Variants in TENM4 observed in about 807,000 individuals in gnomAD.
The protein encoded by TENM4 is teneurin-4.
Under a neutral mutation model 243.3 loss-of-function variants are expected in TENM4, and 82 were observed. The observed-to-expected ratio is 0.34, with a 90% CI of 0.28 to 0.40. The LOEUF is 0.40. Ranked by LOEUF, TENM4 falls within the 10% of genes least tolerant of loss-of-function variation. The pLI is 1.00. For synonymous variants in TENM4, 1,412 were observed against 1,456.3 expected (o/e 0.97, Z 0.69); for missense variants, 3,138 against 3,673.3 (o/e 0.85, Z 3.77).
intron 6 of TENM4, among the ~76,000 whole-genome samples, chr11:79,032,503 A>G (rs1292387954): frequency 6.6e-6 from 1 of 152,184 alleles, no homozygotes; most frequent in Non-Finnish European, 1.5e-5. Flanking sequence ...CTCTGGTGAT[A>G]TAAGTTTCTA....
Position 79,184,933 on chromosome 11 carries a change from A to G in TENM4, c.-163+30875T>C, listed in dbSNP as rs565368104. ...AGTAAGACTCTCAATATCCCATACTAAGCAAATGACAGATACAGCTTATAT... is the reference window on the plus strand; with the variant it reads ...AGTAAGACTCTCAATATCCCATACTGAGCAAATGACAGATACAGCTTATAT... On this transcript the variant is annotated intron_variant, in intron 3 of 33. Transcript: ENST00000278550. 9.5e-4 allele frequency among the ~76,000 whole-genome samples: 144 copies of G among 152,356 alleles called. 1 individual carries two copies. The highest frequency in any genetic ancestry group is 3.4e-3 in the Middle Eastern group (1 of 294).
At chr11:78,873,307 G>A (rs1227225274) in intron 9 of TENM4, among the ~76,000 whole-genome samples, 1 of 152,174 alleles carries the variant, frequency 6.6e-6, no homozygotes, top group East Asian at 1.9e-4. Context: ...CAGGGACCAT[G>A]ATGATGATAA....
At chr11:79,281,157 C>T (rs968403891) in intron 2 of TENM4, among the ~76,000 whole-genome samples, 2 of 152,186 alleles carry the variant, frequency 1.3e-5, no homozygotes, top group Non-Finnish European at 2.9e-5. Context: ...CACATTCAGA[C>T]TCAAAGGCAA....
At chr11:78,903,685 C>G in intron 6 of TENM4, 162 bp from the exon 7 acceptor site, 2 of 1,189,686 alleles carry the variant, frequency 1.7e-6, no homozygotes, top group South Asian at 2.7e-5. Flanking sequence ...TTATTGAGCA[C>G]CTACCATTCT....
intron 25 of TENM4, among the ~76,000 whole-genome samples, chr11:78,716,622 G>C (rs1200262402): frequency 6.6e-6 from 1 of 152,220 alleles, no homozygotes; most frequent in Non-Finnish European, 1.5e-5. Flanking sequence ...GAATGGCCTG[G>C]AGAGATTTAA....
chr11:79,070,353 A>G (rs4945322), intron 4 of TENM4, among the ~76,000 whole-genome samples: 137,419 of 152,190 alleles, frequency 0.9, 62,459 homozygotes, highest in Middle Eastern at 0.98. Flanking sequence ...CACATCCCAC[A>G]TGGAGCAGGG....
chr11:78,721,749 C>T (rs574888172), intron 24 of TENM4, among the ~76,000 whole-genome samples: 1 of 152,346 alleles, frequency 6.6e-6, no homozygotes, highest in South Asian at 2.1e-4. Flanking sequence ...GCCTGTCCTG[C>T]TCACATGCAC....
chr11:79,109,821 A>G (rs1591289610), intron 4 of TENM4, among the ~76,000 whole-genome samples: 1 of 152,206 alleles, frequency 6.6e-6, no homozygotes, highest in Non-Finnish European at 1.5e-5. Flanking sequence ...CTCACTAGCC[A>G]TGTGACTCTG....
intron 3 of TENM4, among the ~76,000 whole-genome samples, chr11:79,169,953 C>T (rs1863002541): frequency 6.6e-6 from 1 of 152,166 alleles, no homozygotes; most frequent in Non-Finnish European, 1.5e-5. Context: ...TTAGTTTGTT[C>T]CCTATTCCAA....
rs1858348391 is a variant in TENM4, at chr11:78,672,189, C to A, written c.5637G>T (p.Arg1879Ser). The change falls in exon 31 of 34, where the codon AGG becomes AGT. Residue 1879 changes from arginine to serine, a missense_variant. Around this residue, in one of 2 missense-constraint regions of TENM4, gnomAD observed 2,467 missense variants for 3,059.1 expected, o/e 0.81. Transcript: ENST00000278550. ...AGTATGTCACGTTGACACCATTCAG[C>A]CTGCTGCTGGGTGACCAGAGGCTGG... ...GRPSLWSPSS[R>S]LNGVNVTYSP... The A allele has an allele frequency of 1.2e-6, 2 of 1,614,018 alleles. No homozygotes were observed. Among genetic ancestry groups the A allele is most frequent in the Non-Finnish European group, 8.5e-7 (1 of 1,179,884 alleles).
At chr11:78,977,221 C>A (rs1490468194) in intron 6 of TENM4, among the ~76,000 whole-genome samples, 2 of 152,202 alleles carry the variant, frequency 1.3e-5, no homozygotes, top group African/African-American at 4.8e-5. Context: ...TCTGAGAACA[C>A]CAGTCATAGT....
intron 22 of TENM4, among the ~76,000 whole-genome samples, 167 bp from the exon 23 acceptor site, chr11:78,726,389 G>A (rs1328659588): frequency 2.0e-5 from 3 of 152,194 alleles, no homozygotes; most frequent in African/African-American, 7.2e-5. Context: ...AGGTTGCTGA[G>A]CCTTAATCAT....
intron 1 of TENM4, among the ~76,000 whole-genome samples, chr11:79,361,470 G>A (rs948813947): frequency 9.9e-5 from 15 of 152,222 alleles, no homozygotes; most frequent in Admixed American, 8.5e-4. Flanking sequence ...GTTCTAATAC[G>A]TGTATCTTCT....
chr11:79,383,757 C>A (rs535091479), intron 1 of TENM4, among the ~76,000 whole-genome samples: 1 of 152,158 alleles, frequency 6.6e-6, no homozygotes, highest in Non-Finnish European at 1.5e-5. Context: ...AAACAAAACA[C>A]CACATTACTG....
At chr11:78,935,148 A>T (rs1298904672) in intron 6 of TENM4, among the ~76,000 whole-genome samples, 1 of 150,564 alleles carries the variant, frequency 6.6e-6, no homozygotes, top group African/African-American at 2.4e-5. Context: ...AGTAGCTGGG[A>T]CTACAGGCGC....
chr11:78,879,949 C>G (rs1391975596), intron 9 of TENM4, among the ~76,000 whole-genome samples: 1 of 150,348 alleles, frequency 6.7e-6, no homozygotes, highest in Non-Finnish European at 1.5e-5. Flanking sequence ...TACCCAACAG[C>G]TCCAAAGAGA....
rs923136290 is a variant in TENM4, at chr11:78,654,007, T to C, written c.*4051A>G. The C allele has an allele frequency of 6.6e-6, 1 of 152,278 alleles. No homozygotes were observed. Among genetic ancestry groups the C allele is most frequent in the African/African-American group, 2.4e-5 (1 of 41,480 alleles). 9.4% of individuals were successfully genotyped at this position (152,278 alleles called of 1,614,324 possible). On this transcript the variant is annotated 3_prime_UTR_variant, in exon 34 of 34. Coordinates refer to ENST00000278550, the MANE Select transcript of TENM4 (RefSeq NM_001098816.3). ...AGTTTGCTGTTTTTGGAAGGTTAAA[T>C]GAAAGGGCCTTGAACTGCAGAGTTC...
At chr11:79,106,058 T>C (rs1861357552) in intron 4 of TENM4, among the ~76,000 whole-genome samples, 1 of 152,254 alleles carries the variant, frequency 6.6e-6, no homozygotes, top group Non-Finnish European at 1.5e-5. Flanking sequence ...ACCACGCTAA[T>C]GTCTCACACA....
intron 8 of TENM4, among the ~76,000 whole-genome samples, chr11:78,890,344 G>C (rs1855634944): frequency 6.6e-6 from 1 of 152,156 alleles, no homozygotes; most frequent in African/African-American, 2.4e-5. Flanking sequence ...GATGGGGCTG[G>C]GATACTGTTT....
Sources: allele counts gnomAD v4.1 joint callset (sites outside exome capture counted in the v4.1 genomes callset), GRCh38; gene constraint gnomAD v4.1.1; regional missense constraint gnomAD v4.1.1; transcripts MANE v1.5; gene names NCBI Gene and HGNC (gene_info 2026-07-23, HGNC 2026-07-21).